Variants in PLXNA4 observed in about 807,000 individuals in gnomAD.
PLXNA4 encodes the protein plexin-A4.
In PLXNA4, 44 loss-of-function variants were observed where a neutral mutation model predicts 191.8. The observed-to-expected ratio is 0.23, with a 90% CI of 0.18 to 0.29. The LOEUF (loss-of-function observed/expected upper bound fraction) is 0.29, where lower values mean the gene tolerates loss of function less well. PLXNA4 is among the 10% of genes least tolerant of loss of function. The pLI is 1.00. For missense variants in PLXNA4, 1,800 were observed against 2,488.8 expected, an observed-to-expected ratio of 0.72 and a Z score of 5.89; for synonymous variants, 1,082 against 1,009.5, an observed-to-expected ratio of 1.07 and a Z score of -1.36.
At chr7:132,249,269 A>T (rs1799164925) in intron 4 of PLXNA4, among the ~76,000 whole-genome samples, 1 of 152,226 alleles carries the variant, frequency 6.6e-6, no homozygotes, top group African/African-American at 2.4e-5. Flanking sequence ...ACCAATACAA[A>T]TGATTTGGGA....
chr7:132,280,002 C>T (rs1015788298), intron 4 of PLXNA4, among the ~76,000 whole-genome samples: 1 of 152,182 alleles, frequency 6.6e-6, no homozygotes, highest in Non-Finnish European at 1.5e-5. Flanking sequence ...CATACATGCC[C>T]ATATATAGTT....
chr7:132,297,232 A>G (rs571879444), intron 4 of PLXNA4, among the ~76,000 whole-genome samples: 13 of 152,220 alleles, frequency 8.5e-5, no homozygotes, highest in Admixed American at 7.8e-4. Flanking sequence ...ATACATATTC[A>G]TGGGATAGAG....
chr7:132,166,743 G>A (rs1018364152), intron 22 of PLXNA4, among the ~76,000 whole-genome samples: 9 of 151,958 alleles, frequency 5.9e-5, no homozygotes, highest in Non-Finnish European at 8.8e-5. Context: ...GGCAGAGCGA[G>A]ACCACGCCAG....
intron 3 of PLXNA4, among the ~76,000 whole-genome samples, chr7:132,327,750 A>G (rs1584997243): frequency 6.6e-6 from 1 of 152,322 alleles, no homozygotes; most frequent in East Asian, 1.9e-4. Context: ...TTCATATGTG[A>G]GTTAACAAAT....
chr7:132,329,490 T>A (rs1408687757), intron 3 of PLXNA4, among the ~76,000 whole-genome samples: 1 of 152,166 alleles, frequency 6.6e-6, no homozygotes, highest in African/African-American at 2.4e-5. Flanking sequence ...GGTCCAGTGG[T>A]TGTCACACAC....
At chr7:132,201,144 A>G (rs1463339182) in intron 12 of PLXNA4, among the ~76,000 whole-genome samples, 1 of 152,188 alleles carries the variant, frequency 6.6e-6, no homozygotes, top group East Asian at 1.9e-4. Flanking sequence ...GGGAAGCTAC[A>G]CAGGGAGAAG....
chr7:132,322,184 C>CTTTTTTTTTTTTTTTTTTTTTTTTTT lies in PLXNA4; in HGVS notation c.1372-23963_1372-23962insAAAAAAAAAAAAAAAAAAAAAAAAAA, dbSNP rs5887566. On this transcript the variant is annotated intron_variant, in intron 3 of 31. Transcript: ENST00000321063. ...CTAGAGTTCAATTTCCCTAAAAGGG[C>CTTTTTTTTTTTTTTTTTTTTTTTTTT]TTTTTTTTTTTTTTTTTTAACAGAG... 1.1e-4 allele frequency among the ~76,000 whole-genome samples: 14 copies of CTTTTTTTTTTTTTTTTTTTTTTTTTT among 122,490 alleles called. 1 individual carries two copies. Among genetic ancestry groups the CTTTTTTTTTTTTTTTTTTTTTTTTTT allele is most frequent in the Admixed American group, 2.8e-4 (3 of 10,620 alleles). The allele number at this position is 122,490 out of a possible 152,430, so 80.4% of individuals were successfully genotyped here. A position where few individuals can be genotyped will look rare whatever the true frequency, so the allele number is the denominator to read the frequency against.
At chr7:132,551,343 G>A (rs923416692) in intron 1 of PLXNA4, among the ~76,000 whole-genome samples, 3 of 152,172 alleles carry the variant, frequency 2.0e-5, no homozygotes, top group Non-Finnish European at 4.4e-5. Context: ...ATGACTGTAT[G>A]GAGCAAAATC....
In PLXNA4 at chr7:132,131,409, C is replaced by T. The variant is rs1468448776; in HGVS notation, c.5590-835G>A. ...CTCCAGGGGAGAGGATGTCAGATAA[C>T]ATCTGTGAGCACCCTCAACACAAGG... is the stretch of plus-strand genomic sequence containing the variant. On this transcript the variant is annotated intron_variant, in intron 31 of 31. Coordinates refer to ENST00000321063, the MANE Select transcript of PLXNA4 (RefSeq NM_020911.2). Among the ~76,000 whole-genome samples, 5 of 152,140 alleles carry T rather than the reference C, an allele frequency of 3.3e-5. No individual in the cohort carries two copies. In the South Asian group the frequency reaches 1.0e-3, roughly 32 times the overall value.
intron 3 of PLXNA4, among the ~76,000 whole-genome samples, chr7:132,305,087 C>T (rs554800093): frequency 4.6e-5 from 7 of 152,298 alleles, no homozygotes; most frequent in African/African-American, 1.7e-4. Context: ...AGAATCGTTG[C>T]TGTGGGAGGG....
intron 29 of PLXNA4, among the ~76,000 whole-genome samples, chr7:132,141,711 G>A (rs1328632236): frequency 6.6e-6 from 1 of 152,062 alleles, no homozygotes; most frequent in Non-Finnish European, 1.5e-5. Flanking sequence ...TAAAACTTGT[G>A]TAAGTCTTTC....
In PLXNA4 at chr7:132,134,261, G is replaced by C. The variant is rs187823679; in HGVS notation, c.5439-1062C>G. Among the ~76,000 whole-genome samples the C allele has an allele frequency of 1.0e-3, 157 of 152,296 alleles. 1 individual carries two copies. The highest frequency in any genetic ancestry group is 3.6e-3 in the African/African-American group (149 of 41,558). On this transcript the variant is annotated intron_variant, in intron 30 of 31. Transcript: ENST00000321063. ...CAGTCTCCTTCTGCACCCCAGCCCT[G>C]TGTCTTTCCCAGCCCTATCCTTCAC...
chr7:132,504,918 C>A (rs756478494), intron 2 of PLXNA4, among the ~76,000 whole-genome samples: 1 of 152,196 alleles, frequency 6.6e-6, no homozygotes, highest in Non-Finnish European at 1.5e-5. Context: ...TGGCCGATGT[C>A]GCACGAAACA....
At chr7:132,186,472 A>G (rs1796880931) in intron 15 of PLXNA4, among the ~76,000 whole-genome samples, 2 of 152,192 alleles carry the variant, frequency 1.3e-5, no homozygotes, top group South Asian at 4.1e-4. Context: ...CTGATGGGCC[A>G]TGAAGCATAT....
At chr7:132,561,857 A>C (rs1359662659) in intron 1 of PLXNA4, among the ~76,000 whole-genome samples, 4,878 of 32,222 alleles carry the variant, frequency 0.15, no homozygotes, top group East Asian at 0.17. Flanking sequence ...CCTCCTCCTT[A>C]TCCTCCTCTT....
At chr7:132,407,292 T>C (rs1794261702) in intron 3 of PLXNA4, among the ~76,000 whole-genome samples, 1 of 152,192 alleles carries the variant, frequency 6.6e-6, no homozygotes, top group South Asian at 2.1e-4. Context: ...GATGGACTGA[T>C]GTGGATCATC....
At chr7:132,269,521 T>C (rs1285264548) in intron 4 of PLXNA4, among the ~76,000 whole-genome samples, 1 of 152,128 alleles carries the variant, frequency 6.6e-6, no homozygotes, top group African/African-American at 2.4e-5. Flanking sequence ...CAGAACTGGG[T>C]AGTGTTTTGA....
At chr7:132,395,954 A>T (rs2117017058) in intron 3 of PLXNA4, among the ~76,000 whole-genome samples, 2 of 152,370 alleles carry the variant, frequency 1.3e-5, no homozygotes, top group Middle Eastern at 6.8e-3. Flanking sequence ...GGCAACTGGT[A>T]TCCCAAGAGC....
intron 3 of PLXNA4, among the ~76,000 whole-genome samples, chr7:132,433,345 C>G (rs1165583487): frequency 2.6e-5 from 4 of 152,182 alleles, no homozygotes; most frequent in African/African-American, 9.6e-5. Flanking sequence ...GGACAGGAAG[C>G]CTTCTACCCT....
Sources: allele counts gnomAD v4.1 joint callset (sites outside exome capture counted in the v4.1 genomes callset), GRCh38; gene constraint gnomAD v4.1.1; transcripts MANE v1.5; gene names NCBI Gene and HGNC (gene_info 2026-07-23, HGNC 2026-07-21).